The following ATP6V0E1 variants were observed in gnomAD, a reference collection of about 807,000 sequenced individuals.
The protein encoded by ATP6V0E1 is V-type proton ATPase subunit e 1.
Under a neutral mutation model 11.6 loss-of-function variants are expected in ATP6V0E1, and 4 were observed. The observed-to-expected ratio is 0.35, with a 90% CI of 0.17 to 0.79. The LOEUF (loss-of-function observed/expected upper bound fraction) is 0.79, where lower values mean the gene tolerates loss of function less well. Ranked by LOEUF, ATP6V0E1 falls within the 30% of genes least tolerant of loss-of-function variation. The pLI is 0.54. For synonymous variants in ATP6V0E1, 36 were observed against 34.8 expected (o/e 1.04, Z -0.13); for missense variants, 105 against 100.0 (o/e 1.05, Z -0.21).
At chr5:173,027,583 T>G (rs1343834362) in intron 3 of ATP6V0E1, among the ~76,000 whole-genome samples, 3 of 151,696 alleles carry the variant, frequency 2.0e-5, no homozygotes, top group African/African-American at 7.3e-5. Flanking sequence ...ATATATATAT[T>G]TTATATATAT....
intron 2 of ATP6V0E1, among the ~76,000 whole-genome samples, chr5:173,010,455 T>C (rs1756304196): frequency 6.6e-6 from 1 of 152,224 alleles, no homozygotes; most frequent in African/African-American, 2.4e-5. Flanking sequence ...ATCACCATTT[T>C]ACAACAGGAG....
intron 2 of ATP6V0E1, among the ~76,000 whole-genome samples, chr5:173,016,843 A>ATTGTGT (rs1756408131): frequency 6.6e-6 from 1 of 152,102 alleles, no homozygotes; most frequent in African/African-American, 2.4e-5. Context: ...AAGTCTTAGT[A>ATTGTGT]TTGTGTTTGT....
At chr5:173,032,481 G>C (rs1756680152) in intron 3 of ATP6V0E1, among the ~76,000 whole-genome samples, 3 of 151,728 alleles carry the variant, frequency 2.0e-5, no homozygotes, top group Admixed American at 2.0e-4. Context: ...AGTAGAGATG[G>C]GGTTTTACCA....
In ATP6V0E1 at chr5:172,998,190, CTTTTT is replaced by C. The variant is rs999790390; in HGVS notation, c.152+3385_152+3389del. ...CAGCTGATGAAACTTAAAATTTAGT[CTTTTT>C]TTTTTTTTTTTTTTTTGGTTAGAGT... On this transcript the variant is annotated intron_variant, in intron 2 of 3. Transcript: ENST00000519374. 1.1e-3 allele frequency among the ~76,000 whole-genome samples: 111 copies of C among 104,880 alleles called. 1 individual carries two copies. The highest frequency in any genetic ancestry group is 3.6e-3 in the African/African-American group (96 of 26,506). The allele number at this position is 104,880 out of a possible 152,430, so 68.8% of individuals were successfully genotyped here.
At chr5:173,027,270 G>A (rs1485357675) in intron 3 of ATP6V0E1, among the ~76,000 whole-genome samples, 1 of 144,106 alleles carries the variant, frequency 6.9e-6, no homozygotes, top group African/African-American at 2.6e-5. Context: ...GGTGGATCAC[G>A]AGATCAGGAG....
chr5:172,994,276 G>A (rs1334179273), intron 1 of ATP6V0E1, among the ~76,000 whole-genome samples: 2 of 152,154 alleles, frequency 1.3e-5, no homozygotes, highest in East Asian at 1.9e-4. Flanking sequence ...CAGAAGGGGA[G>A]CTTTTAGAAA....
At chr5:173,020,211 G>C in intron 2 of ATP6V0E1, 27 bp from the exon 3 acceptor site, 1 of 1,566,720 alleles carries the variant, frequency 6.4e-7, no homozygotes, top group Non-Finnish European at 8.8e-7. Flanking sequence ...TCACCGCTTC[G>C]TTGTTTCTCT....
intron 3 of ATP6V0E1, among the ~76,000 whole-genome samples, chr5:173,025,493 T>C (rs929615865): frequency 2.7e-5 from 4 of 148,190 alleles, no homozygotes; most frequent in Non-Finnish European, 5.9e-5. Context: ...TTCTACAATG[T>C]ATATAAAATA....
chr5:173,012,156 C>T (rs959029496), intron 2 of ATP6V0E1, among the ~76,000 whole-genome samples: 6 of 151,794 alleles, frequency 4.0e-5, no homozygotes, highest in African/African-American at 1.2e-4. Flanking sequence ...CTCAGCCTCC[C>T]GAGTAGCTGC....
intron 3 of ATP6V0E1, among the ~76,000 whole-genome samples, chr5:173,025,651 C>A (rs772210185): frequency 1.3e-5 from 2 of 150,910 alleles, no homozygotes; most frequent in Non-Finnish European, 3.0e-5. Flanking sequence ...CGTGACACCA[C>A]GCCTGGCTAA....
intron 2 of ATP6V0E1, among the ~76,000 whole-genome samples, chr5:173,005,339 A>G (rs1041231238): frequency 6.6e-6 from 1 of 152,048 alleles, no homozygotes; most frequent in Middle Eastern, 3.2e-3. Context: ...ATGTTTTGTA[A>G]TTTTTGGTGC....
rs200037818 is a variant in ATP6V0E1, at chr5:173,020,790, G to T, written c.*36+423G>T. 3 of 519,580 alleles carry T rather than the reference G, an allele frequency of 5.8e-6. No individual in the cohort carries two copies. In the East Asian group the frequency reaches 1.6e-4, roughly 28 times the overall value. The allele number at this position is 519,580 out of a possible 1,614,324, so 32.2% of individuals were successfully genotyped here. ...GTGATGGTGTTACACTGCTGGGAGA[G>T]GAATGTCTTGTCTTCATCCGGTTGC... On this transcript the variant is annotated intron_variant, in intron 3 of 3. Coordinates refer to ENST00000519374, the MANE Select transcript of ATP6V0E1 (RefSeq NM_003945.4).
Position 173,035,034 on chromosome 5 carries a change from G to T in ATP6V0E1, c.*672G>T, listed in dbSNP as rs1214537518. On this transcript the variant is annotated 3_prime_UTR_variant, in exon 4 of 4. Transcript: ENST00000519374. ...TAGCTTGAGATGCCTGAAAAGACTG[G>T]TAAGTGCGTTTCTTAATCGTTCAGT... The T allele has an allele frequency of 6.5e-6, 1 of 152,708 alleles. No homozygotes were observed. Among genetic ancestry groups the T allele is most frequent in the Non-Finnish European group, 1.5e-5 (1 of 68,458 alleles). 9.5% of individuals were successfully genotyped at this position (152,708 alleles called of 1,614,324 possible).
intron 2 of ATP6V0E1, among the ~76,000 whole-genome samples, chr5:173,012,389 AC>A (rs1756339491): frequency 6.6e-6 from 1 of 151,834 alleles, no homozygotes; most frequent in African/African-American, 2.4e-5. Context: ...TACTTTGATA[AC>A]CATATACAGA....
intron 3 of ATP6V0E1, among the ~76,000 whole-genome samples, chr5:173,034,089 C>G (rs1465459326): frequency 6.6e-6 from 1 of 152,188 alleles, no homozygotes; most frequent in Non-Finnish European, 1.5e-5. Context: ...AAAATACAGA[C>G]TCTTGAAACT....
chr5:173,034,375 T>C, intron 3 of ATP6V0E1, 24 bp from the exon 4 acceptor site: 1 of 702,952 alleles, frequency 1.4e-6, no homozygotes, highest in Non-Finnish European at 2.6e-6. Flanking sequence ...GAGGACCAGT[T>C]ACCAGAATGG....
chr5:173,032,255 TTATTTA>T (rs1222260248), intron 3 of ATP6V0E1, among the ~76,000 whole-genome samples: 1 of 108,794 alleles, frequency 9.2e-6, no homozygotes, highest in African/African-American at 3.6e-5. Context: ...TTTATTTTAT[TTATTTA>T]TTTATTTATT....
intron 2 of ATP6V0E1, among the ~76,000 whole-genome samples, chr5:173,001,286 G>GA (rs1756148989): frequency 6.6e-6 from 1 of 152,014 alleles, no homozygotes; most frequent in East Asian, 1.9e-4. Flanking sequence ...AGCCAGAGAG[G>GA]CCCGATCACT....
rs902097062 is a variant in ATP6V0E1 at position 173,031,702 on chromosome 5, C to G, written c.*37-2697C>G. 3.3e-5 allele frequency among the ~76,000 whole-genome samples: 5 copies of G among 151,814 alleles called. No homozygotes were observed. The South Asian group carries it at 8.3e-4, about 25-fold the overall frequency. On this transcript the variant is annotated intron_variant, in intron 3 of 3. Transcript: ENST00000519374. The stretch of plus-strand genomic sequence containing the variant: ...GGTATAGTGGCGGGCGCCTGTAGTC[C>G]CAGCTACTCGGGAGGCTGAGGCAGG...
Sources: gnomAD v4.1 joint callset for allele counts (sites outside exome capture counted in the v4.1 genomes callset) on GRCh38, gnomAD v4.1.1 for gene constraint, MANE v1.5 for transcripts, NCBI Gene and HGNC (gene_info 2026-07-23, HGNC 2026-07-21) for gene names.